KCNH8: variants seen among roughly 807,000 people sequenced by gnomAD.
KCNH8 encodes the protein potassium voltage-gated channel subfamily H member 8.
Under a neutral mutation model 103.6 loss-of-function variants are expected in KCNH8, and 70 were observed. The observed-to-expected ratio is 0.68, with a 90% CI of 0.56 to 0.82. The LOEUF (loss-of-function observed/expected upper bound fraction) is 0.82. Among genes scored for constraint, KCNH8 ranks in the 40% least tolerant of loss-of-function variants. The pLI is 0.00. For synonymous variants in KCNH8, 498 were observed against 489.4 expected (o/e 1.02, Z -0.23); for missense variants, 1,217 against 1,329.9 (o/e 0.92, Z 1.32).
At chr3:19,247,105 A>C (rs191926894) in intron 1 of KCNH8, among the ~76,000 whole-genome samples, 1 of 152,350 alleles carries the variant, frequency 6.6e-6, no homozygotes, top group Non-Finnish European at 1.5e-5. Context: ...TAAATGAAGA[A>C]TGAAACCTAG....
chr3:19,289,478 A>T (rs1181820441), intron 3 of KCNH8, among the ~76,000 whole-genome samples: 1 of 152,218 alleles, frequency 6.6e-6, no homozygotes, highest in Non-Finnish European at 1.5e-5. Flanking sequence ...TTTATTAAAT[A>T]GGGAATCCTC....
chr3:19,323,898 T>C (rs1247446428), intron 3 of KCNH8, among the ~76,000 whole-genome samples: 1 of 152,144 alleles, frequency 6.6e-6, no homozygotes, highest in East Asian at 1.9e-4. Flanking sequence ...CTTGCTCCAG[T>C]GGAGGTAGCA....
At chr3:19,451,460 AGAT>A in intron 10 of KCNH8, 56 bp downstream of exon 10, 1 of 1,549,252 alleles carries the variant, frequency 6.5e-7, no homozygotes, top group Non-Finnish European at 8.9e-7. Context: ...TAAATTAAGA[AGAT>A]GAAATGGGGG....
intron 1 of KCNH8, among the ~76,000 whole-genome samples, chr3:19,193,430 A>T (rs1441810601): frequency 1.3e-5 from 2 of 151,662 alleles, no homozygotes; most frequent in South Asian, 4.1e-4. Flanking sequence ...TGTTTAATTT[A>T]ACAAACATTT....
chr3:19,452,253 C>G (rs1361151543), intron 10 of KCNH8, among the ~76,000 whole-genome samples: 1 of 151,884 alleles, frequency 6.6e-6, no homozygotes, highest in African/African-American at 2.4e-5. Context: ...GCCATGGTGG[C>G]AGGAGCCTGT....
chr3:19,404,661 C>G (rs2066664863), intron 7 of KCNH8, among the ~76,000 whole-genome samples: 2 of 151,620 alleles, frequency 1.3e-5, no homozygotes, highest in Non-Finnish European at 2.9e-5. Context: ...TTAGGGTGGC[C>G]TAAAAGGTAA....
chr3:19,454,627 A>G (rs190001221), intron 10 of KCNH8, among the ~76,000 whole-genome samples: 169 of 152,302 alleles, frequency 1.1e-3, no homozygotes, highest in African/African-American at 3.9e-3. Context: ...AGTGGCTTCT[A>G]TGTAACTTCC....
chr3:19,441,144 C>G (rs745373484), intron 8 of KCNH8, among the ~76,000 whole-genome samples: 4 of 152,170 alleles, frequency 2.6e-5, no homozygotes, highest in Non-Finnish European at 5.9e-5. Context: ...CAGAACCAAA[C>G]TGATTGGACC....
intron 7 of KCNH8, among the ~76,000 whole-genome samples, chr3:19,436,511 G>T (rs1306260047): frequency 2.6e-5 from 4 of 152,204 alleles, no homozygotes; most frequent in African/African-American, 9.6e-5. Flanking sequence ...CCTCGGATTT[G>T]TGGATGTTAC....
chr3:19,240,344 G>T (rs1235076207), intron 1 of KCNH8, among the ~76,000 whole-genome samples: 1 of 152,146 alleles, frequency 6.6e-6, no homozygotes, highest in Non-Finnish European at 1.5e-5. Flanking sequence ...CAGGCGCAGT[G>T]GCTCATGCCT....
At chr3:19,193,650 A>G (rs2063573928) in intron 1 of KCNH8, among the ~76,000 whole-genome samples, 1 of 151,726 alleles carries the variant, frequency 6.6e-6, no homozygotes, top group Admixed American at 6.6e-5. Flanking sequence ...TAAATTTTGA[A>G]TAGAGGGAAA....
intron 1 of KCNH8, among the ~76,000 whole-genome samples, chr3:19,186,296 A>AG (rs1004367216): frequency 1.3e-5 from 2 of 151,436 alleles, no homozygotes; most frequent in African/African-American, 4.8e-5. Flanking sequence ...GTAAAAAAAA[A>AG]AAAAAAAGAA....
In KCNH8 at chr3:19,519,578, C is replaced by T. The variant is rs536471953; in HGVS notation, c.2619+1504C>T. On this transcript the variant is annotated intron_variant, in intron 15 of 15. Coordinates refer to ENST00000328405, the MANE Select transcript of KCNH8 (RefSeq NM_144633.3). ...GGCAGAAAAGGAATACTAGATGGTC[C>T]ACTAACTGGTTTGAAAATACTTAAA... 3.3e-5 allele frequency among the ~76,000 whole-genome samples: 5 copies of T among 150,596 alleles called. No homozygotes were observed. The South Asian group carries it at 1.1e-3, about 32-fold the overall frequency.
At chr3:19,388,443 C>T (rs1277279302) in intron 5 of KCNH8, among the ~76,000 whole-genome samples, 1 of 152,094 alleles carries the variant, frequency 6.6e-6, no homozygotes. Flanking sequence ...GATGGCATTA[C>T]ATTGACCTGT....
At chr3:19,343,552 AC>A (rs1438223316) in intron 4 of KCNH8, among the ~76,000 whole-genome samples, 1 of 152,070 alleles carries the variant, frequency 6.6e-6, no homozygotes, top group Non-Finnish European at 1.5e-5. Flanking sequence ...GTGTTGTGTG[AC>A]CATAGGTGGC....
chr3:19,169,563 T>C (rs1350220077), intron 1 of KCNH8, among the ~76,000 whole-genome samples: 1 of 152,160 alleles, frequency 6.6e-6, no homozygotes, highest in Non-Finnish European at 1.5e-5. Context: ...GTCTCACTCT[T>C]TTCTAACATT....
At chr3:19,162,643 C>T (rs1053257732) in intron 1 of KCNH8, among the ~76,000 whole-genome samples, 5 of 151,864 alleles carry the variant, frequency 3.3e-5, no homozygotes, top group Non-Finnish European at 7.4e-5. Flanking sequence ...GATATTTTAA[C>T]TTAGAAAATA....
chr3:19,186,087 A>T (rs1212436878), intron 1 of KCNH8, among the ~76,000 whole-genome samples: 1 of 151,940 alleles, frequency 6.6e-6, no homozygotes, highest in Non-Finnish European at 1.5e-5. Flanking sequence ...GTATGCTTTA[A>T]AAAACAGCAA....
rs570524010 is a variant in KCNH8, at chr3:19,154,171, TAATA to T, written c.76+5382_76+5385del. The stretch of plus-strand genomic sequence containing the variant: ...AGGAATGATCTGAGAGGGCTTCATA[TAATA>T]AATAACTTTGGGTGGGAATGATTGT... On this transcript the variant is annotated intron_variant, in intron 1 of 15. Coordinates refer to ENST00000328405, the MANE Select transcript of KCNH8 (RefSeq NM_144633.3). Among the ~76,000 whole-genome samples the T allele has an allele frequency of 2.5e-3, 387 of 152,280 alleles. 2 individuals are homozygous for T. The highest frequency in any genetic ancestry group is 5.8e-3 in the South Asian group (28 of 4,824).
Sources: allele counts gnomAD v4.1 joint callset (sites outside exome capture counted in the v4.1 genomes callset), GRCh38; gene constraint gnomAD v4.1.1; transcripts MANE v1.5; gene names NCBI Gene and HGNC (gene_info 2026-07-23, HGNC 2026-07-21).